The following DLG2 variants were observed in gnomAD, a reference collection of about 807,000 sequenced individuals.
DLG2 encodes disks large homolog 2.
In DLG2, 45 loss-of-function variants were observed where a neutral mutation model predicts 132.5. The observed-to-expected ratio is 0.34, with a 90% CI of 0.27 to 0.44. DLG2 has a LOEUF of 0.44. DLG2 is among the 20% of genes least tolerant of loss of function. The pLI, the probability that DLG2 is intolerant of heterozygous loss-of-function variation, is 1.00. For synonymous variants in DLG2, 424 were observed against 419.6 expected (o/e 1.01, Z -0.13); for missense variants, 1,045 against 1,196.9 (o/e 0.87, Z 1.87).
chr11:84,753,525 G>A (rs992867505), intron 6 of DLG2, among the ~76,000 whole-genome samples: 2 of 152,088 alleles, frequency 1.3e-5, no homozygotes, highest in African/African-American at 4.8e-5. Context: ...TTATGTTTTT[G>A]GCCTGGGAAG....
intron 15 of DLG2, among the ~76,000 whole-genome samples, chr11:83,895,732 G>A (rs915528382): frequency 4.6e-5 from 7 of 152,154 alleles, no homozygotes; most frequent in African/African-American, 1.7e-4. Context: ...TTCAGGAAAA[G>A]AATTTGCAAG....
chr11:85,049,495 G>A (rs1417261638), intron 6 of DLG2, among the ~76,000 whole-genome samples: 3 of 151,734 alleles, frequency 2.0e-5, no homozygotes, highest in Admixed American at 6.6e-5. Flanking sequence ...TTTGTTGGAG[G>A]GGCTGTACAC....
At chr11:83,702,400 TG>T (rs2153645226) in intron 18 of DLG2, among the ~76,000 whole-genome samples, 2 of 152,328 alleles carry the variant, frequency 1.3e-5, no homozygotes, top group East Asian at 3.9e-4. Flanking sequence ...ACTTATCTCA[TG>T]GGGTGTTGAC....
At chr11:84,026,746 C>T (rs879744244) in intron 11 of DLG2, among the ~76,000 whole-genome samples, 11 of 152,022 alleles carry the variant, frequency 7.2e-5, no homozygotes, top group African/African-American at 1.2e-4. Flanking sequence ...CAAAAATAAT[C>T]CATCTAATGG....
intron 19 of DLG2, among the ~76,000 whole-genome samples, chr11:83,588,292 C>T (rs573818409): frequency 0.014 from 2,032 of 150,438 alleles, 56 homozygotes; most frequent in African/African-American, 0.047. Context: ...GATCTGAGAA[C>T]GGGCAGACTG....
At chr11:83,606,705 ATCACGAGG>A (rs1165470460) in intron 19 of DLG2, among the ~76,000 whole-genome samples, 5 of 151,916 alleles carry the variant, frequency 3.3e-5, no homozygotes, top group African/African-American at 1.2e-4. Context: ...AGGCGGGCGG[ATCACGAGG>A]TCAGGAGATC....
intron 6 of DLG2, among the ~76,000 whole-genome samples, chr11:84,974,537 A>C (rs1475866854): frequency 6.6e-6 from 1 of 152,224 alleles, no homozygotes; most frequent in Non-Finnish European, 1.5e-5. Context: ...TGAGGCCTTC[A>C]GAAGTGTTAA....
At chr11:84,026,370 A>G (rs1232899379) in intron 11 of DLG2, among the ~76,000 whole-genome samples, 1 of 152,084 alleles carries the variant, frequency 6.6e-6, no homozygotes, top group Non-Finnish European at 1.5e-5. Flanking sequence ...TTTAGGGGAA[A>G]GGTAGTTAGT....
At chr11:84,207,093 A>ATATG (rs1214088100) in intron 8 of DLG2, among the ~76,000 whole-genome samples, 2 of 151,480 alleles carry the variant, frequency 1.3e-5, no homozygotes, top group Non-Finnish European at 3.0e-5. Flanking sequence ...ATATATATAT[A>ATATG]TGTATGTATA....
intron 6 of DLG2, among the ~76,000 whole-genome samples, chr11:84,695,393 A>G (rs1469528669): frequency 6.6e-6 from 1 of 151,604 alleles, no homozygotes; most frequent in African/African-American, 2.4e-5. Context: ...TCTGAATCAT[A>G]ATAATCCTAA....
chr11:83,897,128 C>G (rs553073817), intron 15 of DLG2, among the ~76,000 whole-genome samples: 41 of 152,244 alleles, frequency 2.7e-4, no homozygotes, highest in African/African-American at 8.9e-4. Flanking sequence ...GCTTTCCTCT[C>G]CAGCTTTGAA....
rs112228983 is a variant in DLG2 at position 84,193,218 on chromosome 11, G to A, written c.574-29707C>T. Among the ~76,000 whole-genome samples, 73 of 152,258 alleles carry A rather than the reference G, an allele frequency of 4.8e-4. 1 individual carries two copies. The highest frequency in any genetic ancestry group is 1.7e-3 in the African/African-American group (71 of 41,544). ...CATCCCTGGCCCCGAACTCTGGCAG[G>A]AGCTTAGGAAGGGAACATTCACTAC... On this transcript the variant is annotated intron_variant, in intron 8 of 27. Transcript: ENST00000376104.
chr11:85,010,969 G>C (rs1215781687), intron 6 of DLG2, among the ~76,000 whole-genome samples: 1 of 152,078 alleles, frequency 6.6e-6, no homozygotes, highest in Non-Finnish European at 1.5e-5. Context: ...CTTACCCTCA[G>C]CAGGGGCACT....
chr11:84,872,609 T>C (rs2085648802), intron 6 of DLG2, among the ~76,000 whole-genome samples: 1 of 152,196 alleles, frequency 6.6e-6, no homozygotes. Flanking sequence ...ACATTTAGGT[T>C]GTATCTTGAA....
At chr11:83,477,924 GCCTAGCTAGCAAGTTCCTCATCTTT>G (rs2092748047) in intron 22 of DLG2, among the ~76,000 whole-genome samples, 1 of 151,836 alleles carries the variant, frequency 6.6e-6, no homozygotes, top group Non-Finnish European at 1.5e-5. Flanking sequence ...TCCTCATCTT[GCCTAGCTAGCAAGTTCCTCATCTTT>G]CCAAAGCTCA....
chr11:84,991,055 G>A (rs670998), intron 6 of DLG2, among the ~76,000 whole-genome samples: 109,132 of 152,174 alleles, frequency 0.72, 40,386 homozygotes, highest in East Asian at 0.92. Flanking sequence ...TGGACTATCA[G>A]TACAATCAAC....
chr11:84,850,429 T>A (rs1401162009), intron 6 of DLG2, among the ~76,000 whole-genome samples: 1 of 152,118 alleles, frequency 6.6e-6, no homozygotes, highest in Non-Finnish European at 1.5e-5. Context: ...TTTTATGGGA[T>A]ACTCACAGCT....
chr11:84,976,635 A>G (rs956917156), intron 6 of DLG2, among the ~76,000 whole-genome samples: 2 of 152,118 alleles, frequency 1.3e-5, no homozygotes, highest in African/African-American at 4.8e-5. Context: ...AAGTTGTTTT[A>G]TGTATTTGCT....
At chr11:83,994,323 G>A (rs1257880515) in intron 11 of DLG2, among the ~76,000 whole-genome samples, 2 of 152,146 alleles carry the variant, frequency 1.3e-5, no homozygotes, top group East Asian at 1.9e-4. Context: ...CCACTTTGAA[G>A]GTGGAGGGGA....
Sources: gnomAD v4.1 joint callset for allele counts (sites outside exome capture counted in the v4.1 genomes callset) on GRCh38, gnomAD v4.1.1 for gene constraint, MANE v1.5 for transcripts, NCBI Gene and HGNC (gene_info 2026-07-23, HGNC 2026-07-21) for gene names.